The following SSX5 variants were observed in gnomAD, a reference collection of about 807,000 sequenced individuals.
SSX5 encodes protein SSX5.
A neutral mutation model predicts 14.9 loss-of-function variants in SSX5; 14 were observed. That is an observed-to-expected ratio of 0.94 (90% CI 0.62 to 1.47). SSX5 has a LOEUF of 1.47. SSX5 is among the 40% of genes most tolerant of loss of function. SSX5 has a pLI of 0.00. For synonymous variants in SSX5, 70 were observed against 55.4 expected, an observed-to-expected ratio of 1.26 and a Z score of -1.17; for missense variants, 204 against 154.6, an observed-to-expected ratio of 1.32 and a Z score of -1.70.
rs782674419 is a variant in SSX5 at position 48,190,072 on chromosome X, C to T, written c.466+61G>A. ...CTGGGGTCCATGCCACACACCCAGTCCACACACCTGAACTTAGCGAGAAAA... is the reference window on the plus strand; with the variant it reads ...CTGGGGTCCATGCCACACACCCAGTTCACACACCTGAACTTAGCGAGAAAA... On this transcript the variant is annotated intron_variant, in intron 6 of 7. Transcript: ENST00000347757. 6.7e-6 allele frequency: 8 copies of T among 1,189,023 alleles called. No homozygotes were observed. The Admixed American group carries it at 1.1e-4, about 17-fold the overall frequency.
At chrX:48,194,899 G>T (rs1556925518) in intron 2 of SSX5, 45 bp from the exon 3 acceptor site, 2 of 1,202,192 alleles carry the variant, frequency 1.7e-6, no homozygotes, top group Non-Finnish European at 2.2e-6. Context: ...AGCTAGGCAT[G>T]TCTGCCATTC....
At chrX:48,187,803 G>T in intron 6 of SSX5, 72 bp from the exon 7 acceptor site, 1 of 1,136,629 alleles carries the variant, frequency 8.8e-7, no homozygotes, top group Non-Finnish European at 1.2e-6. Context: ...GAGAGTGTTA[G>T]GCTCTGTTTT....
In SSX5 at chrX:48,195,050, G is replaced by T. The variant is rs782504356; in HGVS notation, c.70-196C>A. 34 of 1,209,672 alleles carry T rather than the reference G, an allele frequency of 2.8e-5. No individual in the cohort carries two copies. The South Asian group carries it at 3.9e-4, about 14-fold the overall frequency. On this transcript the variant is annotated intron_variant, in intron 2 of 7. Coordinates refer to ENST00000347757, the MANE Select transcript of SSX5 (RefSeq NM_175723.2). Reference sequence around the variant, plus strand: ...ACACAGTAGAGCTTTAATGCTGCTGGCTGGCTCTCTTCCCACCTTCCAGAA... The same window carrying T: ...ACACAGTAGAGCTTTAATGCTGCTGTCTGGCTCTCTTCCCACCTTCCAGAA...
chrX:48,192,152 G>A (rs1372662413), intron 5 of SSX5, 80 bp downstream of exon 5: 2 of 1,190,356 alleles, frequency 1.7e-6, no homozygotes, highest in African/African-American at 3.5e-5. Context: ...GGGCATTGTT[G>A]ATATTCTCCC....
intron 3 of SSX5, 109 bp from the exon 4 acceptor site, chrX:48,194,333 G>C (rs782301969): frequency 4.7e-6 from 4 of 858,138 alleles, no homozygotes; most frequent in African/African-American, 2.0e-5. Context: ...AGGATTGCTT[G>C]AGGCCAGGAG....
intron 5 of SSX5, among the ~76,000 whole-genome samples, chrX:48,191,154 C>A (rs1479051834): frequency 5.4e-5 from 6 of 110,741 alleles, no homozygotes; most frequent in African/African-American, 2.0e-4. Context: ...CTGCCCGCCT[C>A]AGCCTCCCAA....
chrX:48,192,366 C>T (rs2059423637), intron 4 of SSX5, 85 bp from the exon 5 acceptor site: 5 of 1,151,399 alleles, frequency 4.3e-6, no homozygotes, highest in Non-Finnish European at 5.9e-6. Flanking sequence ...GGGCATTCTG[C>T]AGCAGAGGTT....
At chrX:48,189,740 C>T (rs142847822) in intron 6 of SSX5, among the ~76,000 whole-genome samples, 207 of 111,693 alleles carry the variant, frequency 1.9e-3, no homozygotes, top group African/African-American at 6.3e-3. Flanking sequence ...ACACCTATAT[C>T]GGGTAACAGG....
intron 4 of SSX5, among the ~76,000 whole-genome samples, chrX:48,193,260 T>TC (rs2059426991): frequency 9.0e-6 from 1 of 110,985 alleles, no homozygotes; most frequent in South Asian, 3.8e-4. Flanking sequence ...CATTTTCTTT[T>TC]TTTTTTTTCA....
At chrX:48,193,689 G>T (rs1822964812) in intron 4 of SSX5, among the ~76,000 whole-genome samples, 1 of 110,545 alleles carries the variant, frequency 9.0e-6, no homozygotes, top group Admixed American at 9.7e-5. Context: ...GTGAAAGTTG[G>T]AGTGAGCTGA....
chrX:48,194,348 A>G lies in SSX5; in HGVS notation c.185-124T>C, dbSNP rs182613027. On this transcript the variant is annotated intron_variant, in intron 3 of 7. Transcript: ENST00000347757. Reference sequence around the variant, plus strand: ...AGGATTGCTTGAGGCCAGGAGTTTGAGGCTGCAGTGAGCTATGATTGCACT... The same window carrying G: ...AGGATTGCTTGAGGCCAGGAGTTTGGGGCTGCAGTGAGCTATGATTGCACT... The G allele has an allele frequency of 9.1e-4, 665 of 733,716 alleles. 3 individuals are homozygous for G. In the African/African-American group the frequency reaches 0.012, roughly 14 times the overall value. The allele number at this position is 733,716 out of a possible 1,213,427, so 60.5% of individuals were successfully genotyped here.
Position 48,186,506 on chromosome X carries a change from A to G in SSX5, c.*355T>C. On this transcript the variant is annotated 3_prime_UTR_variant, in exon 8 of 8. Coordinates refer to ENST00000347757, the MANE Select transcript of SSX5 (RefSeq NM_175723.2). ...ACACTCAGAACTGCCCTCAGTGGTC[A>G]CATCTGGGAAGAGAGGAGGGTAGTG... The G allele has an allele frequency of 2.7e-6, 1 of 371,047 alleles. No individual in the cohort carries two copies. The highest frequency in any genetic ancestry group is 2.5e-5 in the African/African-American group (1 of 39,459). 30.6% of individuals were successfully genotyped at this position (371,047 alleles called of 1,213,427 possible).
chrX:48,192,258 C>T lies in SSX5; in HGVS notation c.304G>A (p.Gly102Ser), dbSNP rs782674274. ...TTCGGGAAGATTCCCTGGAGCCTGCCGAAAGTCATCTGAGGATGTTCAACT... is the reference window on the plus strand; with the variant it reads ...TTCGGGAAGATTCCCTGGAGCCTGCTGAAAGTCATCTGAGGATGTTCAACT... ...NQVEHPQMTFGRLQGIFPKIT... is the reference protein window; with the variant it reads ...NQVEHPQMTFSRLQGIFPKIT... The change falls in exon 5 of 8, where the codon GGC becomes AGC. Residue 102 changes from glycine to serine, a missense_variant. By Grantham distance (56) the Gly-to-Ser change is moderately conservative. Transcript: ENST00000347757. 17 of 1,209,617 alleles carry T rather than the reference C, an allele frequency of 1.4e-5. No homozygotes were observed. The East Asian group carries it at 2.1e-4, about 15-fold the overall frequency.
At position 48,186,597 on chromosome X, in the gene SSX5, G is replaced by A. The variant is rs181195768; in HGVS notation, c.*264C>T. ...AGGTAGGTGCATGGATACACAAACT[G>A]AAATATGCATTAAGTATGTCTTGCT... On this transcript the variant is annotated 3_prime_UTR_variant, in exon 8 of 8. Transcript: ENST00000347757. 2.4e-5 allele frequency: 12 copies of A among 491,893 alleles called. No homozygotes were observed. The highest frequency in any genetic ancestry group is 9.9e-5 in the Admixed American group (3 of 30,301). 40.5% of individuals were successfully genotyped at this position (491,893 alleles called of 1,213,427 possible).
chrX:48,194,541 G>C (rs2059432802), intron 3 of SSX5, among the ~76,000 whole-genome samples, 199 bp downstream of exon 3: 1 of 110,882 alleles, frequency 9.0e-6, no homozygotes, highest in Non-Finnish European at 1.9e-5. Flanking sequence ...CAGGATCCAG[G>C]TATGAGCTCC....
intron 5 of SSX5, among the ~76,000 whole-genome samples, chrX:48,191,341 C>T (rs2059419287): frequency 1.8e-5 from 2 of 111,802 alleles, no homozygotes; most frequent in Admixed American, 9.5e-5. Flanking sequence ...TTTCATGATC[C>T]TTCTTTGAAT....
intron 5 of SSX5, among the ~76,000 whole-genome samples, chrX:48,190,668 A>C (rs1432142732): frequency 1.8e-5 from 2 of 111,673 alleles, no homozygotes; most frequent in Non-Finnish European, 3.8e-5. Context: ...GGGAGAGTAA[A>C]TGTAAAGACA....
chrX:48,190,444 G>A (rs1240890933), intron 5 of SSX5, among the ~76,000 whole-genome samples, 176 bp from the exon 6 acceptor site: 1 of 111,702 alleles, frequency 9.0e-6, no homozygotes, highest in Non-Finnish European at 1.9e-5. Context: ...GGAAAGGAAT[G>A]GCCTAACTGA....
chrX:48,193,728 G>A (rs2059428790), intron 4 of SSX5, among the ~76,000 whole-genome samples: 1 of 110,281 alleles, frequency 9.1e-6, no homozygotes, highest in Non-Finnish European at 1.9e-5. Context: ...CACCCTGGCC[G>A]AGAAGAGTGA....
Sources: gnomAD v4.1 joint callset for allele counts (sites outside exome capture counted in the v4.1 genomes callset) on GRCh38, gnomAD v4.1.1 for gene constraint, MANE v1.5 for transcripts, NCBI Gene and HGNC (gene_info 2026-07-23, HGNC 2026-07-21) for gene names.